Variants in INPP5D observed in about 807,000 individuals in gnomAD.
INPP5D encodes phosphatidylinositol 3,4,5-trisphosphate 5-phosphatase 1.
INPP5D carries 33 observed loss-of-function variants against 122.9 expected under a neutral mutation model. That is an observed-to-expected ratio of 0.27 (90% CI 0.20 to 0.36). The LOEUF (loss-of-function observed/expected upper bound fraction) is 0.36, where lower values mean the gene tolerates loss of function less well. Ranked by LOEUF, INPP5D falls within the 10% of genes least tolerant of loss-of-function variation. INPP5D has a pLI of 1.00. For synonymous variants in INPP5D, 584 were observed against 576.2 expected, an observed-to-expected ratio of 1.01 and a Z score of -0.19; for missense variants, 1,053 against 1,412.7, an observed-to-expected ratio of 0.75 and a Z score of 4.08.
intron 5 of INPP5D, among the ~76,000 whole-genome samples, chr2:233,135,685 T>C (rs564818087): frequency 6.6e-6 from 1 of 151,626 alleles, no homozygotes; most frequent in East Asian, 1.9e-4. Flanking sequence ...ATAAAGATTC[T>C]GAAGCCATGT....
chr2:233,147,775 C>T (rs1212007309), intron 9 of INPP5D, among the ~76,000 whole-genome samples, 181 bp downstream of exon 9: 1 of 152,164 alleles, frequency 6.6e-6, no homozygotes, highest in Admixed American at 6.5e-5. Flanking sequence ...CAGTGTGATC[C>T]ATGCTATCAC....
In INPP5D at chr2:233,143,216, G is replaced by C. The variant is rs1368596631; in HGVS notation, c.754-2946G>C. 2.6e-5 allele frequency among the ~76,000 whole-genome samples: 4 copies of C among 152,180 alleles called. No homozygotes were observed. The South Asian group carries it at 6.2e-4, about 24-fold the overall frequency. Reference sequence around the variant, plus strand: ...CAAATCATCATTAGGCAGAAGTATGGGGAAAGCTCCAGCATTTTTCTAATA... The same window carrying C: ...CAAATCATCATTAGGCAGAAGTATGCGGAAAGCTCCAGCATTTTTCTAATA... On this transcript the variant is annotated intron_variant, in intron 6 of 26. Coordinates refer to ENST00000445964, the MANE Select transcript of INPP5D (RefSeq NM_001017915.3).
At chr2:233,175,638 T>A (rs903283498) in intron 17 of INPP5D, among the ~76,000 whole-genome samples, 18 of 152,040 alleles carry the variant, frequency 1.2e-4, no homozygotes, top group South Asian at 2.1e-4. Flanking sequence ...AAGTTTTTTT[T>A]AAAAAGTGAA....
At chr2:233,106,247 C>A (rs1307123633) in intron 2 of INPP5D, among the ~76,000 whole-genome samples, 2 of 152,196 alleles carry the variant, frequency 1.3e-5, no homozygotes, top group South Asian at 2.1e-4. Context: ...GTTGGCTAAT[C>A]TAGTTGGGCT....
chr2:233,125,011 G>C (rs1693114017), intron 3 of INPP5D, among the ~76,000 whole-genome samples: 2 of 152,244 alleles, frequency 1.3e-5, no homozygotes, highest in African/African-American at 2.4e-5. Flanking sequence ...AGGTCCCCCG[G>C]GGCCCACTGT....
intron 18 of INPP5D, among the ~76,000 whole-genome samples, chr2:233,182,131 C>G (rs961855919): frequency 6.6e-5 from 10 of 152,072 alleles, no homozygotes; most frequent in African/African-American, 2.4e-4. Flanking sequence ...ATGATTAGAC[C>G]AGAAAAATCT....
rs1311934579 is a variant in INPP5D at position 233,146,373 on chromosome 2, G to T, written c.841G>T (p.Ala281Ser). 16 of 704,156 alleles carry T rather than the reference G, an allele frequency of 2.3e-5. No homozygotes were observed. The East Asian group carries it at 3.7e-4, about 16-fold the overall frequency. The allele number at this position is 704,156 out of a possible 1,614,324, so 43.6% of individuals were successfully genotyped here. The change falls in exon 8 of 27, where the codon GCC becomes TCC. Residue 281 changes from alanine (A) to serine (S), a missense_variant. By Grantham distance (99) the Ala-to-Ser change is moderately conservative. Coordinates refer to ENST00000445964, the MANE Select transcript of INPP5D (RefSeq NM_001017915.3). ...LLSSIEDKVK[A>S]LLHEGPESPH... ...CTAACGCTGCTGCCCACAGGTCAAG[G>T]CCTTGCTGCACGAGGGTCCTGAGTC...
intron 1 of INPP5D, among the ~76,000 whole-genome samples, chr2:233,064,892 G>A (rs1352705484): frequency 1.3e-5 from 2 of 152,194 alleles, no homozygotes; most frequent in South Asian, 4.1e-4. Flanking sequence ...ACTGTTAATT[G>A]TTTTTGTGCA....
intron 2 of INPP5D, among the ~76,000 whole-genome samples, chr2:233,099,975 C>G (rs1692260806): frequency 6.6e-6 from 1 of 152,170 alleles, no homozygotes; most frequent in South Asian, 2.1e-4. Context: ...AGTCAAACTC[C>G]CATTTCTAAA....
At chr2:233,172,214 G>A (rs1047379081) in intron 17 of INPP5D, among the ~76,000 whole-genome samples, 1 of 152,224 alleles carries the variant, frequency 6.6e-6, no homozygotes, top group Non-Finnish European at 1.5e-5. Context: ...GGGGATCCCT[G>A]TGCAGGCTGG....
At chr2:233,146,319 AG>A in intron 7 of INPP5D, 47 bp from the exon 8 acceptor site, 2 of 704,260 alleles carry the variant, frequency 2.8e-6, no homozygotes, top group Non-Finnish European at 5.2e-6. Flanking sequence ...CCAGATGCAC[AG>A]GCTCGGCGTC....
rs976283275 is a variant in INPP5D at position 233,173,560 on chromosome 2, T to A, written c.1989+2408T>A. On this transcript the variant is annotated intron_variant, in intron 17 of 26. Coordinates refer to ENST00000445964, the MANE Select transcript of INPP5D (RefSeq NM_001017915.3). ...CAGCTGTACAGAAATATTTTATTTC[T>A]TTATATTCTTAATCTATAAGCTTTT... Among the ~76,000 whole-genome samples, 7 of 152,342 alleles carry A rather than the reference T, an allele frequency of 4.6e-5. No homozygotes were observed. In the South Asian group the frequency reaches 1.2e-3, roughly 27 times the overall value.
chr2:233,112,244 C>T (rs1023794212), intron 2 of INPP5D, among the ~76,000 whole-genome samples: 88 of 152,126 alleles, frequency 5.8e-4, no homozygotes, highest in African/African-American at 2.1e-3. Flanking sequence ...GGGGAGGAGC[C>T]GTCCCTTCTC....
chr2:233,196,475 A>C (rs1695188106), intron 24 of INPP5D, among the ~76,000 whole-genome samples: 1 of 152,192 alleles, frequency 6.6e-6, no homozygotes, highest in African/African-American at 2.4e-5. Flanking sequence ...GAGAGATTCC[A>C]AGTCTACAAA....
In INPP5D at chr2:233,060,504, A is replaced by G; in HGVS notation, c.26A>G (p.Asn9Ser). The G allele has an allele frequency of 6.2e-7, 1 of 1,612,414 alleles. No individual in the cohort carries two copies. The highest frequency in any genetic ancestry group is 8.5e-7 in the Non-Finnish European group (1 of 1,179,126). The stretch of plus-strand genomic sequence containing the variant: ...ATGGTCCCCTGCTGGAACCATGGCA[A>G]CATCACCCGCTCCAAGGCGGAGGAG... MVPCWNHG[N>S]ITRSKAEELL... Residue 9 changes from asparagine to serine, a missense_variant, in exon 1 of 27, where the codon AAC becomes AGC. By Grantham distance (46) the Asn-to-Ser change is conservative. Transcript: ENST00000445964.
Position 233,164,042 on chromosome 2 carries a change from T to G in INPP5D, c.1437+139T>G, listed in dbSNP as rs1473728280. On this transcript the variant is annotated intron_variant, in intron 12 of 26. Coordinates refer to ENST00000445964, the MANE Select transcript of INPP5D (RefSeq NM_001017915.3). This position sits in a 1 kb window ranked among gnomAD's most constrained non-coding sequence, Gnocchi z 4.3. ...CTGGAGGCCCCCACTGAGAGATGCG[T>G]CTGTATTCAGAAATAAATGGGATCT... 4.9e-6 allele frequency: 7 copies of G among 1,425,488 alleles called. No individual in the cohort carries two copies. The highest frequency in any genetic ancestry group is 6.5e-6 in the Non-Finnish European group (7 of 1,082,446). The allele number at this position is 1,425,488 out of a possible 1,614,324, so 88.3% of individuals were successfully genotyped here.
chr2:233,074,503 AGCTTTCTCTCT>A (rs1559275162), intron 1 of INPP5D, among the ~76,000 whole-genome samples: 1 of 152,114 alleles, frequency 6.6e-6, no homozygotes, highest in Admixed American at 6.5e-5. Context: ...CATCAACTTT[AGCTTTCTCTCT>A]GGCTGTGATT....
At chr2:233,187,595 G>A (rs1024365809) in intron 21 of INPP5D, among the ~76,000 whole-genome samples, 8 of 152,314 alleles carry the variant, frequency 5.3e-5, no homozygotes, top group East Asian at 1.9e-4. Flanking sequence ...TGTCATCTCC[G>A]GAGCAGAGGC....
intron 2 of INPP5D, among the ~76,000 whole-genome samples, chr2:233,087,387 T>C (rs1270185908): frequency 6.6e-6 from 1 of 152,140 alleles, no homozygotes. Context: ...AGTGGCACAA[T>C]CTCGGCTCAG....
Sources: allele counts gnomAD v4.1 joint callset (sites outside exome capture counted in the v4.1 genomes callset), GRCh38; gene constraint gnomAD v4.1.1; non-coding constraint Gnocchi (gnomAD v3.1); transcripts MANE v1.5; gene names NCBI Gene and HGNC (gene_info 2026-07-23, HGNC 2026-07-21).